Variants in MADD observed in about 807,000 individuals in gnomAD.
MADD encodes the protein MAP kinase-activating death domain protein.
In MADD, 109 loss-of-function variants were observed where a neutral mutation model predicts 176.7. That is an observed-to-expected ratio of 0.62 (90% CI 0.53 to 0.72). MADD has a LOEUF of 0.72. Among genes scored for constraint, MADD ranks in the 30% least tolerant of loss-of-function variants. MADD has a pLI of 0.00. For missense variants in MADD, 1,914 were observed against 2,045.5 expected, an observed-to-expected ratio of 0.94 and a Z score of 1.24; for synonymous variants, 771 against 771.3, an observed-to-expected ratio of 1.00 and a Z score of 0.01.
chr11:47,295,729 C>T (rs151052286), intron 21 of MADD, 150 bp downstream of exon 23: 16 of 1,527,378 alleles, frequency 1.0e-5, no homozygotes, highest in South Asian at 5.2e-5. Context: ...TGTGTGTATA[C>T]GAGATTTCAC....
At chr11:47,290,544 C>T in intron 18 of MADD, 66 bp from the exon 20 acceptor site, 1 of 1,493,986 alleles carries the variant, frequency 6.7e-7, no homozygotes, top group Non-Finnish European at 9.2e-7. Flanking sequence ...TGGCTCCTCC[C>T]ACCTCATATC....
In MADD at chr11:47,309,384, C is replaced by G. The variant is rs775585264; in HGVS notation, c.3855C>G (p.Pro1285=). 8.1e-6 allele frequency: 13 copies of G among 1,614,122 alleles called. No individual in the cohort carries two copies. In the Admixed American group the frequency reaches 2.2e-4, roughly 27 times the overall value. ...AAGGGATGGGTATGGACCAGGGTCC[C>G]CAGGAAATGATCGACAGGTATGGGG... Residue 1285 remains proline (P), a synonymous_variant, in exon 24 of 33, where the codon CCC becomes CCG. Transcript: ENST00000402192.
In MADD at chr11:47,293,753, G is replaced by A. The variant is rs909418748; in HGVS notation, c.3302-130G>A. On this transcript the variant is annotated intron_variant, in intron 19 of 32. Coordinates refer to ENST00000402192, the Ensembl canonical transcript of MADD. Reference sequence around the variant, plus strand: ...TTTTTCCAGTGGGTCCTGAGTGGGGGGTAGTCCTTGGAAAGGTGACTAGGA... The same window carrying A: ...TTTTTCCAGTGGGTCCTGAGTGGGGAGTAGTCCTTGGAAAGGTGACTAGGA... 4.8e-5 allele frequency: 30 copies of A among 630,334 alleles called. No homozygotes were observed. The East Asian group carries it at 7.4e-4, about 16-fold the overall frequency. 39.0% of individuals were successfully genotyped at this position (630,334 alleles called of 1,614,324 possible).
rs146540246 is a variant in MADD at position 47,284,561 on chromosome 11, A to G, written c.2153A>G (p.Asn718Ser). 47 of 1,613,392 alleles carry G rather than the reference A, an allele frequency of 2.9e-5. No individual in the cohort carries two copies. Among genetic ancestry groups the G allele is most frequent in the Non-Finnish European group, 3.9e-5 (46 of 1,179,824 alleles). ...CCCAGCACTGTCATCCACGGAGCCA[A>G]CTCTGTAAGTGAGGAGCGGTGGATG... The change falls in exon 12 of 33, where the codon AAC becomes AGC. Residue 718 changes from asparagine to serine, a missense_variant. By Grantham distance (46) the Asn-to-Ser change is conservative (BLOSUM62 1). This residue lies in a region of MADD where 1,767 missense variants were observed against 1,836.0 expected (regional missense o/e 0.96). Coordinates refer to ENST00000402192, the Ensembl canonical transcript of MADD.
intron 22 of MADD, among the ~76,000 whole-genome samples, chr11:47,304,906 T>G (rs868269462): frequency 2.6e-5 from 4 of 152,292 alleles, no homozygotes; most frequent in South Asian, 4.1e-4. Context: ...GAGAAAGACT[T>G]TCACATGCAG....
chr11:47,317,590 T>C (rs2093428212), intron 27 of MADD, among the ~76,000 whole-genome samples: 4 of 152,228 alleles, frequency 2.6e-5, no homozygotes, highest in African/African-American at 9.6e-5. Flanking sequence ...ATTCACTCTT[T>C]TGGGAAGAAT....
chr11:47,285,468 G>T (rs185538885), exon 14 of MADD: 2 of 1,614,118 alleles, frequency 1.2e-6, no homozygotes, highest in East Asian at 4.5e-5. Flanking sequence ...AAGCTGCTGC[G>T]GCCCAACAGC....
intron 27 of MADD, among the ~76,000 whole-genome samples, chr11:47,318,659 G>A (rs1595122978): frequency 6.6e-6 from 1 of 152,296 alleles, no homozygotes; most frequent in Non-Finnish European, 1.5e-5. Context: ...CTTCCTCGAA[G>A]TGGTGCCATG....
chr11:47,295,358 A>C (rs980673393), intron 20 of MADD, 138 bp from the exon 23 acceptor site: 1 of 654,636 alleles, frequency 1.5e-6, no homozygotes, highest in Non-Finnish European at 2.7e-6. Context: ...TATATTCTGG[A>C]AACAAAAGTT....
chr11:47,297,450 CTT>C (rs550191201), intron 22 of MADD, among the ~76,000 whole-genome samples: 15 of 141,084 alleles, frequency 1.1e-4, no homozygotes, highest in Admixed American at 3.5e-4. Flanking sequence ...CTTTTCTTTT[CTT>C]TTTTTTTTTT....
chr11:47,290,885 A>G (rs888141589), intron 19 of MADD, 69 bp downstream of exon 20: 42 of 1,252,280 alleles, frequency 3.4e-5, no homozygotes, highest in Non-Finnish European at 4.7e-5. Flanking sequence ...TCCTCAATTC[A>G]TCCAGAATCC....
In MADD at chr11:47,293,971, G is replaced by A. The variant is rs202099115; in HGVS notation, c.3390G>A (p.Thr1130=). ...GCGCAGACAGTGGTGTGAGCCTGAC[G>A]TCTAGTTCCCAGGTTTGTGACAACC... Residue 1130 remains threonine (T), a synonymous_variant, in exon 20 of 33, where the codon ACG becomes ACA. Transcript: ENST00000402192. 169 of 1,613,882 alleles carry A rather than the reference G, an allele frequency of 1.0e-4. No individual in the cohort carries two copies. The Admixed American group carries it at 1.2e-3, about 12-fold the overall frequency.
In MADD at chr11:47,315,832, C is replaced by CT. The variant is rs138135047; in HGVS notation, c.4197+522dup. Among the ~76,000 whole-genome samples the CT allele has an allele frequency of 8.9e-3, 1,149 of 128,716 alleles. 22 individuals carry two copies. Among genetic ancestry groups the CT allele is most frequent in the Admixed American group, 0.051 (644 of 12,540 alleles). 84.4% of individuals were successfully genotyped at this position (128,716 alleles called of 152,430 possible). Reference sequence around the variant, plus strand: ...TTTATATAGTAGATGATACCCATTTCTTTTTTTTTTTTTTTTTGAGACAGA... The same window carrying CT: ...TTTATATAGTAGATGATACCCATTTCTTTTTTTTTTTTTTTTTTGAGACAGA... On this transcript the variant is annotated intron_variant, in intron 27 of 32. Coordinates refer to ENST00000402192, the Ensembl canonical transcript of MADD.
chr11:47,324,483 G>C, exon 30 of MADD: 2 of 1,613,730 alleles, frequency 1.2e-6, no homozygotes, highest in Non-Finnish European at 1.7e-6. Flanking sequence ...CCTGAATTGG[G>C]TGGCGAGTTC....
chr11:47,288,246 G>A (rs943289674), intron 15 of MADD, among the ~76,000 whole-genome samples: 1 of 152,166 alleles, frequency 6.6e-6, no homozygotes, highest in East Asian at 1.9e-4. Flanking sequence ...CTATAATTAG[G>A]CCAGTGCACT....
chr11:47,273,957 C>G (rs770503140), exon 2 of MADD: 32 of 1,614,028 alleles, frequency 2.0e-5, no homozygotes, highest in Non-Finnish European at 2.6e-5. Context: ...ACTTGACTAT[C>G]TAGTGATCGT....
chr11:47,286,669 C>T (rs1736574725), intron 15 of MADD, 135 bp downstream of exon 15: 2 of 644,488 alleles, frequency 3.1e-6, no homozygotes, highest in East Asian at 2.7e-5. Flanking sequence ...TCATGGCTTT[C>T]ACCGCACATC....
At chr11:47,270,488 G>T (rs1380265301) in intron 1 of MADD, among the ~76,000 whole-genome samples, 2 of 126,278 alleles carry the variant, frequency 1.6e-5, no homozygotes, top group Non-Finnish European at 3.2e-5. Context: ...GGCGGCTCGG[G>T]TTCAGGTTCG....
intron 31 of MADD, chr11:47,327,733 A>G (rs1440368917): frequency 2.0e-6 from 2 of 985,278 alleles, no homozygotes. Flanking sequence ...TTCCCTGCTG[A>G]CCCTGGGTTC....
Sources: allele counts gnomAD v4.1 joint callset (sites outside exome capture counted in the v4.1 genomes callset), GRCh38; gene constraint gnomAD v4.1.1; regional missense constraint gnomAD v4.1.1; transcripts MANE v1.5; gene names NCBI Gene and HGNC (gene_info 2026-07-23, HGNC 2026-07-21).